CNIH3: variants seen among roughly 807,000 people sequenced by gnomAD.
CNIH3 encodes the protein cornichon family AMPA receptor auxiliary protein 3.
A neutral mutation model predicts 24.1 loss-of-function variants in CNIH3; 14 were observed. The ratio of observed to expected loss-of-function variants is 0.58; its 90% CI spans 0.38 to 0.91. CNIH3 has a LOEUF of 0.91. Among genes scored for constraint, CNIH3 ranks in the 40% least tolerant of loss-of-function variants. CNIH3 has a pLI of 0.00. For missense variants in CNIH3, 178 were observed against 196.8 expected (o/e 0.90, Z 0.57); for synonymous variants, 68 against 73.8 (o/e 0.92, Z 0.40).
intron 1 of CNIH3, among the ~76,000 whole-genome samples, chr1:224,649,255 CAG>C (rs1684756949): frequency 6.6e-6 from 1 of 152,108 alleles, no homozygotes; most frequent in African/African-American, 2.4e-5. Flanking sequence ...GCAGGAGAGA[CAG>C]AGGAAGAGAT....
At chr1:224,734,792 G>A (rs1485968032) in intron 5 of CNIH3, 86 bp downstream of exon 5, 9 of 1,439,694 alleles carry the variant, frequency 6.3e-6, no homozygotes, top group Non-Finnish European at 8.7e-6. Context: ...CGTCCTTTGG[G>A]AGATGGCGTG....
chr1:224,579,407 C>T (rs552728893), intron 4 of CNIH3, among the ~76,000 whole-genome samples: 2 of 152,258 alleles, frequency 1.3e-5, no homozygotes, highest in African/African-American at 4.8e-5. Flanking sequence ...TTTTACTAGG[C>T]TGGTCTGGCT....
rs140535156 is a variant in CNIH3, at chr1:224,532,360, G to T, written n.344-4576G>T. On this transcript the variant is annotated intron_variant and non_coding_transcript_variant, in intron 2 of 2. Coordinates refer to the CNIH3 transcript ENST00000470602. ...CTTTGGGTTTTAGTCTGAGATGGGG[G>T]AGCCTGTGGAAGGTTTGAAGAAGAA... Among the ~76,000 whole-genome samples the T allele has an allele frequency of 8.5e-5, 13 of 152,322 alleles. No individual in the cohort carries two copies. In the East Asian group the frequency reaches 2.5e-3, roughly 29 times the overall value.
At position 224,578,989 on chromosome 1, in the gene CNIH3, T is replaced by G. The variant is rs146616766; in HGVS notation, n.517-4175T>G. On this transcript the variant is annotated intron_variant and non_coding_transcript_variant, in intron 4 of 5. Transcript: ENST00000471578. ...TTCTTTGTCGATGTCTTGTTTTTCA[T>G]GTAGAGAGTAGAGAACAACTCTATT... Among the ~76,000 whole-genome samples, 281 of 152,270 alleles carry G rather than the reference T, an allele frequency of 1.8e-3. 1 individual carries two copies. The highest frequency in any genetic ancestry group is 6.4e-3 in the African/African-American group (265 of 41,566).
At chr1:224,639,880 A>G (rs529731519) in intron 1 of CNIH3, among the ~76,000 whole-genome samples, 1 of 152,320 alleles carries the variant, frequency 6.6e-6, no homozygotes, top group East Asian at 1.9e-4. Context: ...CTTTAAATCC[A>G]CTGATGACCC....
At chr1:224,546,368 C>T (rs560191288) in intron 2 of CNIH3, among the ~76,000 whole-genome samples, 6 of 152,312 alleles carry the variant, frequency 3.9e-5, no homozygotes, top group Admixed American at 6.5e-5. Context: ...CTGCACTTCC[C>T]GCTCTCCCAA....
chr1:224,656,546 G>A (rs556847019), intron 1 of CNIH3, among the ~76,000 whole-genome samples: 2 of 152,260 alleles, frequency 1.3e-5, no homozygotes, highest in Admixed American at 6.5e-5. Flanking sequence ...GGCGGCGGGC[G>A]GCGGGGGGGC....
intron 5 of CNIH3, among the ~76,000 whole-genome samples, chr1:224,736,688 G>A (rs1281126350): frequency 6.6e-6 from 1 of 152,160 alleles, no homozygotes; most frequent in Non-Finnish European, 1.5e-5. Context: ...TCTGTGGGGT[G>A]CTCTGGGATG....
At chr1:224,601,295 T>C (rs1435489628) in intron 3 of CNIH3, among the ~76,000 whole-genome samples, 1 of 152,186 alleles carries the variant, frequency 6.6e-6, no homozygotes, top group Non-Finnish European at 1.5e-5. Context: ...ATGCAGAGTG[T>C]GTTTACTGGA....
chr1:224,466,923 T>C (rs2102991441), intron 1 of CNIH3, among the ~76,000 whole-genome samples: 1 of 152,338 alleles, frequency 6.6e-6, no homozygotes, highest in Middle Eastern at 3.4e-3. Flanking sequence ...GCTAATTATA[T>C]TGTTTGCTTT....
chr1:224,692,778 A>G (rs1372664525), intron 3 of CNIH3, among the ~76,000 whole-genome samples: 3 of 152,222 alleles, frequency 2.0e-5, no homozygotes, highest in African/African-American at 4.8e-5. Context: ...AGGCAAGCCC[A>G]TGTGACCAGA....
At chr1:224,642,821 C>T (rs1270758741) in intron 1 of CNIH3, among the ~76,000 whole-genome samples, 2 of 152,220 alleles carry the variant, frequency 1.3e-5, no homozygotes, top group Non-Finnish European at 2.9e-5. Context: ...ATATCTGGGT[C>T]TTGCATCTCT....
upstream of CNIH3, chr1:224,615,074 A>G (rs1331437811): frequency 1.3e-5 from 2 of 152,204 alleles, no homozygotes; most frequent in African/African-American, 2.4e-5. Flanking sequence ...TTCTGTCACT[A>G]GAAAGCTGTA....
chr1:224,731,450 G>A (rs934022119), intron 4 of CNIH3, among the ~76,000 whole-genome samples: 1 of 152,212 alleles, frequency 6.6e-6, no homozygotes, highest in Non-Finnish European at 1.5e-5. Flanking sequence ...CTAAATAGTA[G>A]AGAAGGTATT....
At chr1:224,527,641 G>C (rs923504617) in intron 2 of CNIH3, among the ~76,000 whole-genome samples, 1 of 152,050 alleles carries the variant, frequency 6.6e-6, no homozygotes, top group Admixed American at 6.6e-5. Flanking sequence ...TTTCTAAAAA[G>C]ACTTTTAAAG....
At chr1:224,625,512 C>T (rs995854090) in intron 1 of CNIH3, among the ~76,000 whole-genome samples, 2 of 152,208 alleles carry the variant, frequency 1.3e-5, no homozygotes, top group African/African-American at 4.8e-5. Flanking sequence ...GCTGAGATGG[C>T]GCCACTGCAC....
chr1:224,476,368 C>G (rs928632675), intron 1 of CNIH3, among the ~76,000 whole-genome samples: 1 of 152,160 alleles, frequency 6.6e-6, no homozygotes, highest in Non-Finnish European at 1.5e-5. Flanking sequence ...AACTGGTAAA[C>G]AAATTTAGTA....
At chr1:224,497,939 G>A (rs886876073) in intron 1 of CNIH3, among the ~76,000 whole-genome samples, 1 of 152,212 alleles carries the variant, frequency 6.6e-6, no homozygotes, top group Non-Finnish European at 1.5e-5. Context: ...TCCAAAGTGA[G>A]CTCATCACAT....
chr1:224,527,860 G>A (rs1421070718), intron 2 of CNIH3, among the ~76,000 whole-genome samples: 1 of 152,076 alleles, frequency 6.6e-6, no homozygotes, highest in Admixed American at 6.5e-5. Context: ...AATTATATAT[G>A]TGTATGCATA....
Sources: gnomAD v4.1 joint callset for allele counts (sites outside exome capture counted in the v4.1 genomes callset) on GRCh38, gnomAD v4.1.1 for gene constraint, MANE v1.5 for transcripts, NCBI Gene and HGNC (gene_info 2026-07-23, HGNC 2026-07-21) for gene names.